LRIG1: variants seen among roughly 807,000 people sequenced by gnomAD.
LRIG1 encodes leucine-rich repeats and immunoglobulin-like domains protein 1.
A neutral mutation model predicts 99.2 loss-of-function variants in LRIG1; 48 were observed. That is an observed-to-expected ratio of 0.48 (90% CI 0.38 to 0.62). LRIG1 has a LOEUF of 0.62. LRIG1 is among the 20% of genes least tolerant of loss of function. LRIG1 has a pLI of 0.00. For missense variants in LRIG1, 1,646 were observed against 1,434.4 expected, an observed-to-expected ratio of 1.15 and a Z score of -2.38; for synonymous variants, 772 against 596.1, an observed-to-expected ratio of 1.29 and a Z score of -4.30.
intron 3 of LRIG1, among the ~76,000 whole-genome samples, chr3:66,433,200 C>T (rs1703236566): frequency 6.6e-6 from 1 of 152,232 alleles, no homozygotes; most frequent in South Asian, 2.1e-4. Flanking sequence ...AAGCCACCAC[C>T]TACTCCAGAA....
intron 7 of LRIG1, among the ~76,000 whole-genome samples, chr3:66,409,328 C>A (rs1702391244): frequency 6.6e-6 from 1 of 152,184 alleles, no homozygotes; most frequent in African/African-American, 2.4e-5. Flanking sequence ...TTCTCTGAGT[C>A]CTTAGGAATG....
intron 7 of LRIG1, 113 bp downstream of exon 7, chr3:66,410,016 T>C: frequency 8.6e-7 from 1 of 1,159,200 alleles, no homozygotes; most frequent in South Asian, 1.5e-5. Flanking sequence ...GCTACTGGCC[T>C]GTCTCTGAGC....
At chr3:66,414,768 G>C (rs981825941) in intron 5 of LRIG1, 152 bp downstream of exon 5, 2 of 707,618 alleles carry the variant, frequency 2.8e-6, no homozygotes, top group African/African-American at 3.6e-5. Context: ...CTCCGAATTT[G>C]CTTTTATGAG....
chr3:66,391,718 A>G (rs989811474), intron 12 of LRIG1, among the ~76,000 whole-genome samples: 1 of 152,252 alleles, frequency 6.6e-6, no homozygotes, highest in Non-Finnish European at 1.5e-5. Context: ...TGTGACTATT[A>G]TAACAACCAT....
At chr3:66,404,333 G>C in intron 9 of LRIG1, 1 of 1,287,410 alleles carries the variant, frequency 7.8e-7, no homozygotes, top group South Asian at 1.2e-5. Context: ...GACGGGCTGG[G>C]GGAATCGAGC....
rs941534221 is a variant in LRIG1, at chr3:66,477,809, G to A, written c.219-15300C>T. ...ATGGGGGAGGAAGAGGGGAGAGGAG[G>A]GGAGGTGATCTAATAAAGCCTTCTC... On this transcript the variant is annotated intron_variant, in intron 1 of 18. Coordinates refer to ENST00000273261, the MANE Select transcript of LRIG1 (RefSeq NM_015541.3). Among the ~76,000 whole-genome samples, 4 of 151,884 alleles carry A rather than the reference G, an allele frequency of 2.6e-5. No individual in the cohort carries two copies. The East Asian group carries it at 7.8e-4, about 30-fold the overall frequency.
chr3:66,388,762 C>G (rs1701499712), intron 12 of LRIG1, among the ~76,000 whole-genome samples: 1 of 152,062 alleles, frequency 6.6e-6, no homozygotes, highest in East Asian at 1.9e-4. Context: ...ACCTATCCTT[C>G]AAAAATGAAG....
intron 7 of LRIG1, among the ~76,000 whole-genome samples, chr3:66,408,119 CA>C (rs1291650761): frequency 6.6e-6 from 1 of 152,196 alleles, no homozygotes; most frequent in Non-Finnish European, 1.5e-5. Context: ...ACCTCAGAAT[CA>C]AAGCTTCCTC....
Position 66,398,144 on chromosome 3 carries a change from A to G in LRIG1, c.1272T>C (p.Asp424=), listed in dbSNP as rs1211843186. 2.5e-6 allele frequency: 4 copies of G among 1,614,178 alleles called. No individual in the cohort carries two copies. Among genetic ancestry groups the G allele is most frequent in the Non-Finnish European group, 3.4e-6 (4 of 1,179,978 alleles). Residue 424 remains aspartate, a synonymous_variant, in exon 11 of 19, where the codon GAT becomes GAC. Coordinates refer to ENST00000273261, the MANE Select transcript of LRIG1 (RefSeq NM_015541.3). ...GGNAIRSVQF[D]AFVKMKNLKE... Reference sequence around the variant, plus strand: ...TAAGATTCTTCATCTTCACAAAGGCATCAAACTGGACAGATCTGATCGCAT... The same window carrying G: ...TAAGATTCTTCATCTTCACAAAGGCGTCAAACTGGACAGATCTGATCGCAT...
chr3:66,474,803 T>G (rs1344961585), intron 1 of LRIG1, among the ~76,000 whole-genome samples: 1 of 152,178 alleles, frequency 6.6e-6, no homozygotes, highest in Non-Finnish European at 1.5e-5. Context: ...AAACTGTATC[T>G]TAACCAAATA....
chr3:66,406,345 C>G, intron 8 of LRIG1: 3 of 985,624 alleles, frequency 3.0e-6, no homozygotes, highest in Non-Finnish European at 3.6e-6. Context: ...CTAGCCCTGG[C>G]TGCCAAAGTT....
At position 66,383,220 on chromosome 3, in the gene LRIG1, C is replaced by G; in HGVS notation, c.2253G>C (p.Gln751His). Residue 751 changes from glutamine (Q) to histidine (H), a missense_variant, in exon 15 of 19, where the codon CAG becomes CAC. Physicochemically the swap from Gln to His is conservative, Grantham distance 24 (BLOSUM62 0). Coordinates refer to ENST00000273261, the MANE Select transcript of LRIG1 (RefSeq NM_015541.3). Reference sequence around the variant, plus strand: ...GGCCCGCATCCTCTGCCACCACGTTCTGAACCACCAGGAGCTGGTTGTCAG... The same window carrying G: ...GGCCCGCATCCTCTGCCACCACGTTGTGAACCACCAGGAGCTGGTTGTCAG... ...LTPDNQLLVV[Q>H]NVVAEDAGRY... 1 of 1,614,244 alleles carries G rather than the reference C, an allele frequency of 6.2e-7. No homozygotes were observed. The highest frequency in any genetic ancestry group is 1.1e-5 in the South Asian group (1 of 91,088).
At chr3:66,443,040 C>T (rs1159931871) in intron 3 of LRIG1, among the ~76,000 whole-genome samples, 3 of 152,092 alleles carry the variant, frequency 2.0e-5, no homozygotes, top group South Asian at 2.1e-4. Flanking sequence ...AGGCTGGCTG[C>T]GGAGGCCACA....
chr3:66,383,161 G>C lies in LRIG1; in HGVS notation c.2312C>G (p.Thr771Arg), dbSNP rs372364518. ...GCTCAGCTGGCTGTGAGCTCGCTCC[G>C]TGCCCAGGGTGTTGGACATCTCACA... ...YTCEMSNTLG[T>R]ERAHSQLSVL... Residue 771 changes from threonine (T) to arginine (R), a missense_variant, in exon 15 of 19, where the codon ACG (threonine) becomes AGG (arginine). By Grantham distance (71) the Thr-to-Arg change is moderately conservative. Coordinates refer to ENST00000273261, the MANE Select transcript of LRIG1 (RefSeq NM_015541.3). 3 of 1,614,230 alleles carry C rather than the reference G, an allele frequency of 1.9e-6. No individual in the cohort carries two copies. Among genetic ancestry groups the C allele is most frequent in the Non-Finnish European group, 2.5e-6 (3 of 1,180,046 alleles).
intron 1 of LRIG1, among the ~76,000 whole-genome samples, chr3:66,482,330 A>C (rs377301488): frequency 6.6e-6 from 1 of 152,248 alleles, no homozygotes; most frequent in Non-Finnish European, 1.5e-5. Context: ...ACTGTGCTCA[A>C]GCCCAAAGAC....
chr3:66,407,443 G>T lies in LRIG1; in HGVS notation c.984C>A (p.Ala328=). The change falls in exon 8 of 19, where the codon GCC becomes GCA. Residue 328 remains alanine (A), a synonymous_variant. Coordinates refer to ENST00000273261, the MANE Select transcript of LRIG1 (RefSeq NM_015541.3). ...NLTRLDEESL[A]ELSSLSVLRL... is the part of the protein sequence containing the mutation. Reference sequence around the variant, plus strand: ...GCAGGACACTCAGGCTGCTCAGCTCGGCCAGGCTCTCCTCGTCCAGCCGTG... The same window carrying T: ...GCAGGACACTCAGGCTGCTCAGCTCTGCCAGGCTCTCCTCGTCCAGCCGTG... 1 of 1,613,990 alleles carries T rather than the reference G, an allele frequency of 6.2e-7. No individual in the cohort carries two copies. Among genetic ancestry groups the T allele is most frequent in the Non-Finnish European group, 8.5e-7 (1 of 1,180,032 alleles).
At chr3:66,446,504 C>T (rs1025260594) in intron 3 of LRIG1, among the ~76,000 whole-genome samples, 2 of 149,532 alleles carry the variant, frequency 1.3e-5, no homozygotes, top group Non-Finnish European at 3.0e-5. Flanking sequence ...CTCCCAGGTT[C>T]ATGTGATTCT....
intron 13 of LRIG1, among the ~76,000 whole-genome samples, chr3:66,385,047 G>A (rs1454582990): frequency 6.6e-6 from 1 of 152,158 alleles, no homozygotes; most frequent in Non-Finnish European, 1.5e-5. Context: ...CCATTCTGAT[G>A]ATTCTCAAGC....
chr3:66,381,449 A>C (rs1415483645), intron 17 of LRIG1, 30 bp downstream of exon 17: 16 of 1,596,304 alleles, frequency 1.0e-5, no homozygotes, highest in Non-Finnish European at 1.4e-5. Flanking sequence ...TTTCAGAAAG[A>C]AACTACTTCC....
Sources: allele counts gnomAD v4.1 joint callset (sites outside exome capture counted in the v4.1 genomes callset), GRCh38; gene constraint gnomAD v4.1.1; transcripts MANE v1.5; gene names NCBI Gene and HGNC (gene_info 2026-07-23, HGNC 2026-07-21).